The following FBXL7 variants were observed in gnomAD, a reference collection of about 807,000 sequenced individuals.
The protein encoded by FBXL7 is F-box/LRR-repeat protein 7.
In FBXL7, 12 loss-of-function variants were observed where a neutral mutation model predicts 38.3. The observed-to-expected ratio is 0.31, with a 90% confidence interval of 0.20 to 0.51. FBXL7 has a LOEUF of 0.51. Ranked by LOEUF, FBXL7 falls within the 20% of genes least tolerant of loss-of-function variation. The pLI, the probability that FBXL7 is intolerant of heterozygous loss-of-function variation, is 0.98. For synonymous variants in FBXL7, 297 were observed against 300.9 expected, an observed-to-expected ratio of 0.99 and a Z score of 0.13; for missense variants, 567 against 676.4, an observed-to-expected ratio of 0.84 and a Z score of 1.79.
intron 2 of FBXL7, among the ~76,000 whole-genome samples, chr5:15,811,354 C>T (rs559793324): frequency 1.3e-5 from 2 of 152,246 alleles, no homozygotes; most frequent in South Asian, 4.1e-4. Context: ...TTGGTTTCTT[C>T]TGAAGTGTCT....
intron 2 of FBXL7, among the ~76,000 whole-genome samples, chr5:15,662,401 T>C (rs1240591735): frequency 6.6e-6 from 1 of 152,238 alleles, no homozygotes; most frequent in Non-Finnish European, 1.5e-5. Context: ...TGCTGGATAT[T>C]ATACCTTTGT....
intron 2 of FBXL7, among the ~76,000 whole-genome samples, chr5:15,777,748 T>TAAAAAAAAAAAA (rs1250146374): frequency 9.6e-4 from 86 of 89,368 alleles, no homozygotes; most frequent in African/African-American, 2.5e-3. Flanking sequence ...AAAAAAAAAG[T>TAAAAAAAAAAAA]AAATTCCAGT....
chr5:15,870,805 C>T (rs1324262791), intron 2 of FBXL7, among the ~76,000 whole-genome samples: 1 of 152,184 alleles, frequency 6.6e-6, no homozygotes, highest in Non-Finnish European at 1.5e-5. Flanking sequence ...AAGGCAGCAG[C>T]CCCACTCAGG....
intron 2 of FBXL7, among the ~76,000 whole-genome samples, chr5:15,720,853 C>G (rs1045662006): frequency 6.6e-6 from 1 of 151,620 alleles, no homozygotes; most frequent in African/African-American, 2.4e-5. Flanking sequence ...TATTATATAA[C>G]TGGGTGTTTT....
At chr5:15,792,428 A>G (rs1407251487) in intron 2 of FBXL7, among the ~76,000 whole-genome samples, 2 of 152,194 alleles carry the variant, frequency 1.3e-5, no homozygotes, top group South Asian at 2.1e-4. Context: ...ATTTACATCC[A>G]TAATGCATCC....
chr5:15,628,658 T>TA, intron 2 of FBXL7, among the ~76,000 whole-genome samples: 1 of 152,350 alleles, frequency 6.6e-6, no homozygotes, highest in South Asian at 2.1e-4. Context: ...ATGCTGTTGT[T>TA]ACATGCTTTT....
At chr5:15,935,705 A>G (rs1290618287) in intron 3 of FBXL7, among the ~76,000 whole-genome samples, 2 of 152,204 alleles carry the variant, frequency 1.3e-5, no homozygotes, top group Non-Finnish European at 2.9e-5. Flanking sequence ...AGTTGGATTG[A>G]CTCAGAAGGT....
chr5:15,722,080 G>A (rs1176604867), intron 2 of FBXL7, among the ~76,000 whole-genome samples: 4 of 152,114 alleles, frequency 2.6e-5, no homozygotes, highest in East Asian at 1.9e-4. Context: ...TGATCTGCCC[G>A]CCTTGGCCTC....
chr5:15,500,508 C>A lies in FBXL7; in HGVS notation c.-169C>A. ...GGGTGCCAGGAGGGGACGCAGCACC[C>A]CCTCCCACTGGAGTGCGGGGACCTC... On this transcript the variant is annotated 5_prime_UTR_variant, in exon 1 of 4. Coordinates refer to ENST00000504595, the MANE Select transcript of FBXL7 (RefSeq NM_012304.5). 1 of 864,214 alleles carries A rather than the reference C, an allele frequency of 1.2e-6. No individual in the cohort carries two copies. Among genetic ancestry groups the A allele is most frequent in the Non-Finnish European group, 1.9e-6 (1 of 515,052 alleles). The allele number at this position is 864,214 out of a possible 1,614,324, so 53.5% of individuals were successfully genotyped here.
intron 2 of FBXL7, among the ~76,000 whole-genome samples, chr5:15,886,483 T>C (rs1036499572): frequency 6.6e-6 from 1 of 152,200 alleles, no homozygotes; most frequent in Non-Finnish European, 1.5e-5. Flanking sequence ...ATTTCCTTTC[T>C]CAGAAGTACA....
At chr5:15,595,545 G>T (rs1231052615) in intron 1 of FBXL7, among the ~76,000 whole-genome samples, 1 of 152,190 alleles carries the variant, frequency 6.6e-6, no homozygotes. Context: ...TTATACAACT[G>T]TATTAATCTG....
rs1457264196 is a variant in FBXL7, at chr5:15,639,574, A to T, written c.127+23502A>T. 1.8e-4 allele frequency among the ~76,000 whole-genome samples: 27 copies of T among 151,546 alleles called. 1 individual carries two copies. The highest frequency in any genetic ancestry group is 1.8e-3 in the Admixed American group (27 of 15,202). ...GTGGAACTGTGAGTCTGTTAACCCT[A>T]TTCTTCTTCCCAGTCTCGGGTGTGT... On this transcript the variant is annotated intron_variant, in intron 2 of 3. Coordinates refer to ENST00000504595, the MANE Select transcript of FBXL7 (RefSeq NM_012304.5).
intron 2 of FBXL7, among the ~76,000 whole-genome samples, chr5:15,626,301 T>TGTTCAGTGTGCCC (rs896032001): frequency 1.3e-5 from 2 of 152,192 alleles, no homozygotes; most frequent in Non-Finnish European, 2.9e-5. Context: ...AGCATGTTAA[T>TGTTCAGTGTGCCC]GTTCAGTGTG....
At chr5:15,868,620 G>C (rs79967045) in intron 2 of FBXL7, among the ~76,000 whole-genome samples, 1 of 152,066 alleles carries the variant, frequency 6.6e-6, no homozygotes, top group Non-Finnish European at 1.5e-5. Context: ...TGAAGGTATA[G>C]GTAAAGCACT....
At chr5:15,595,921 A>G (rs962594202) in intron 1 of FBXL7, among the ~76,000 whole-genome samples, 1 of 152,204 alleles carries the variant, frequency 6.6e-6, no homozygotes, top group Non-Finnish European at 1.5e-5. Flanking sequence ...GAGTAGTCCC[A>G]GGGGTCCTAT....
intron 2 of FBXL7, among the ~76,000 whole-genome samples, chr5:15,896,431 C>T (rs554981660): frequency 9.2e-5 from 14 of 152,298 alleles, no homozygotes; most frequent in African/African-American, 3.1e-4. Flanking sequence ...GCCTCTAAAA[C>T]GACCTATCTC....
At chr5:15,750,019 A>C (rs1419378176) in intron 2 of FBXL7, among the ~76,000 whole-genome samples, 1 of 152,220 alleles carries the variant, frequency 6.6e-6, no homozygotes, top group East Asian at 1.9e-4. Flanking sequence ...CAACCTGCAC[A>C]GACTTATGCT....
chr5:15,834,894 A>G (rs900923225), intron 2 of FBXL7, among the ~76,000 whole-genome samples: 3 of 152,228 alleles, frequency 2.0e-5, no homozygotes, highest in African/African-American at 7.2e-5. Flanking sequence ...TAAAGACCTA[A>G]GTAGGCAACA....
At chr5:15,506,685 CATT>C (rs1736658228) in intron 1 of FBXL7, among the ~76,000 whole-genome samples, 1 of 151,958 alleles carries the variant, frequency 6.6e-6, no homozygotes, top group African/African-American at 2.4e-5. Context: ...GCTGTCTTCT[CATT>C]GTATTCTTGC....
Sources: gnomAD v4.1 joint callset for allele counts (sites outside exome capture counted in the v4.1 genomes callset) on GRCh38, gnomAD v4.1.1 for gene constraint, MANE v1.5 for transcripts, NCBI Gene and HGNC (gene_info 2026-07-23, HGNC 2026-07-21) for gene names.